The following SERPINI2 variants were observed in gnomAD, a reference collection of about 807,000 sequenced individuals.
SERPINI2 encodes serpin family I member 2.
SERPINI2 carries 48 observed loss-of-function variants against 47.3 expected under a neutral mutation model. The ratio of observed to expected loss-of-function variants is 1.02; its 90% CI spans 0.81 to 1.29. The LOEUF (loss-of-function observed/expected upper bound fraction) is 1.29, where lower values mean the gene tolerates loss of function less well. SERPINI2 is among the 50% of genes most tolerant of loss of function. The probability of loss-of-function intolerance (pLI) is 0.00; values close to 1 mark genes in which losing one functional copy is unlikely to be tolerated. For missense variants in SERPINI2, 448 were observed against 456.9 expected, an observed-to-expected ratio of 0.98 and a Z score of 0.18; for synonymous variants, 135 against 149.3, an observed-to-expected ratio of 0.90 and a Z score of 0.70.
intron 5 of SERPINI2, among the ~76,000 whole-genome samples, chr3:167,463,430 G>C (rs1577175564): frequency 6.6e-6 from 1 of 152,252 alleles, no homozygotes; most frequent in Non-Finnish European, 1.5e-5. Flanking sequence ...GAGAGAGTAA[G>C]AGGAGGAAAA....
intron 5 of SERPINI2, among the ~76,000 whole-genome samples, chr3:167,456,444 G>T (rs1438350963): frequency 6.6e-6 from 1 of 152,058 alleles, no homozygotes; most frequent in African/African-American, 2.4e-5. Context: ...ATCCAAGGCT[G>T]GCCAAGCCTA....
chr3:167,475,397 C>CTGGAAAACTCT (rs1322812889), upstream of SERPINI2, among the ~76,000 whole-genome samples: 1 of 151,726 alleles, frequency 6.6e-6, no homozygotes, highest in Non-Finnish European at 1.5e-5. Context: ...ATCATTATGT[C>CTGGAAAACTCT]TGTACACTGC....
In SERPINI2 at chr3:167,465,680, A is replaced by AGTGG. The variant is rs1750113362; in HGVS notation, c.479-11_479-8dup. On this transcript the variant is annotated splice_region_variant and splice_polypyrimidine_tract_variant and intron_variant, in intron 3 of 8. Transcript: ENST00000264677. ...AACATGTCTTTAATTTTTCCTAGGA[A>AGTGG]GTGGGTGGAGGAGGAGGTAAGAAGA... 1 of 1,603,942 alleles carries AGTGG rather than the reference A, an allele frequency of 6.2e-7. No homozygotes were observed. Among genetic ancestry groups the AGTGG allele is most frequent in the Admixed American group, 1.7e-5 (1 of 57,680 alleles).
intron 8 of SERPINI2, among the ~76,000 whole-genome samples, chr3:167,445,391 GCA>G (rs984755143): frequency 2.6e-5 from 4 of 152,012 alleles, no homozygotes; most frequent in Non-Finnish European, 4.4e-5. Context: ...TATGTGCCAG[GCA>G]CAGTGTTACA....
At chr3:167,475,728 TG>T (rs60600576), upstream of SERPINI2, among the ~76,000 whole-genome samples, 1 of 145,756 alleles carries the variant, frequency 6.9e-6, no homozygotes, top group African/African-American at 2.5e-5. Flanking sequence ...AAAATCGGGG[TG>T]GGGGGAGAAT....
intron 5 of SERPINI2, among the ~76,000 whole-genome samples, chr3:167,453,604 G>T (rs183017038): frequency 2.0e-5 from 3 of 149,506 alleles, no homozygotes; most frequent in African/African-American, 7.3e-5. Flanking sequence ...AAGGATAAAG[G>T]AAGGGGAACC....
chr3:167,455,613 A>G (rs2108159351), intron 5 of SERPINI2, among the ~76,000 whole-genome samples: 1 of 151,206 alleles, frequency 6.6e-6, no homozygotes, highest in African/African-American at 2.4e-5. Context: ...AAAAGAAAAG[A>G]AAAGAAAAGA....
chr3:167,444,370 T>C (rs1749409750), intron 8 of SERPINI2, among the ~76,000 whole-genome samples: 2 of 152,190 alleles, frequency 1.3e-5, no homozygotes, highest in South Asian at 4.1e-4. Flanking sequence ...GGCTAGATTT[T>C]GCACAAAAGG....
intron 1 of SERPINI2, chr3:167,472,052 G>A: frequency 4.1e-6 from 2 of 482,892 alleles, no homozygotes; most frequent in Non-Finnish European, 7.3e-6. Context: ...TCAAGAACCA[G>A]TAGAAAATAT....
intron 5 of SERPINI2, among the ~76,000 whole-genome samples, chr3:167,453,305 T>C (rs9823383): frequency 0.37 from 56,369 of 151,920 alleles, 10,578 homozygotes; most frequent in East Asian, 0.5. Context: ...CAAAACTCGG[T>C]GAGAATTCTA....
At chr3:167,452,910 A>G in intron 6 of SERPINI2, 26 bp downstream of exon 6, 2 of 1,399,282 alleles carry the variant, frequency 1.4e-6, no homozygotes, top group South Asian at 1.2e-5. Flanking sequence ...TTAACATCAT[A>G]ATATAAGAAT....
At chr3:167,446,315 T>C (rs1258095089) in intron 8 of SERPINI2, 77 bp downstream of exon 8, 2 of 895,136 alleles carry the variant, frequency 2.2e-6, no homozygotes, top group African/African-American at 3.4e-5. Context: ...ACTTCAGATA[T>C]GTACATTGCA....
chr3:167,445,810 CTG>C (rs1749462465), intron 8 of SERPINI2, among the ~76,000 whole-genome samples: 2 of 152,164 alleles, frequency 1.3e-5, no homozygotes, highest in South Asian at 4.1e-4. Flanking sequence ...TGTGTTGACA[CTG>C]TGCCCAGTGC....
At chr3:167,452,519 T>C (rs1310086842) in intron 6 of SERPINI2, among the ~76,000 whole-genome samples, 2 of 152,242 alleles carry the variant, frequency 1.3e-5, no homozygotes, top group Non-Finnish European at 2.9e-5. Context: ...CAGCAGCTTA[T>C]GGATGACTAT....
At chr3:167,441,992 G>A (rs1749342179) in exon 9 of SERPINI2, 1 of 670,822 alleles carries the variant, frequency 1.5e-6, no homozygotes, top group South Asian at 2.7e-5. Context: ...ATTACTACAG[G>A]CACAGTTTAA....
At position 167,446,623 on chromosome 3, in the gene SERPINI2, C is replaced by G. The variant is rs79575968; in HGVS notation, c.1052-142G>C. 1.6e-5 allele frequency: 8 copies of G among 498,004 alleles called. No individual in the cohort carries two copies. In the East Asian group the frequency reaches 2.5e-4, roughly 16 times the overall value. 30.8% of individuals were successfully genotyped at this position (498,004 alleles called of 1,614,324 possible). Reference sequence around the variant, plus strand: ...TGGAAAAATAACCATTTTCTAAATACAGAGGAATTTGCAATAAATTTAAAA... The same window carrying G: ...TGGAAAAATAACCATTTTCTAAATAGAGAGGAATTTGCAATAAATTTAAAA... On this transcript the variant is annotated intron_variant, in intron 7 of 8. Coordinates refer to ENST00000264677, the Ensembl canonical transcript of SERPINI2.
At chr3:167,460,494 C>T (rs1044604174) in intron 5 of SERPINI2, among the ~76,000 whole-genome samples, 1 of 152,146 alleles carries the variant, frequency 6.6e-6, no homozygotes. Context: ...GAACTAAATA[C>T]ATAAGCAAAT....
intron 7 of SERPINI2, 198 bp from the exon 8 acceptor site, chr3:167,446,679 A>C (rs1280904383): frequency 2.7e-6 from 1 of 366,168 alleles, no homozygotes; most frequent in Non-Finnish European, 4.9e-6. Context: ...ATATTAGGTC[A>C]CTCACAGAAT....
At chr3:167,470,308 A>G (rs537292893) in intron 2 of SERPINI2, among the ~76,000 whole-genome samples, 1 of 152,280 alleles carries the variant, frequency 6.6e-6, no homozygotes, top group Admixed American at 6.5e-5. Flanking sequence ...TTTTCTGTAT[A>G]AAATTGTCTT....
Sources: gnomAD v4.1 joint callset for allele counts (sites outside exome capture counted in the v4.1 genomes callset) on GRCh38, gnomAD v4.1.1 for gene constraint, MANE v1.5 for transcripts, NCBI Gene and HGNC (gene_info 2026-07-23, HGNC 2026-07-21) for gene names.